The following CEP128 variants were observed in gnomAD, a reference collection of about 807,000 sequenced individuals.
CEP128 encodes the protein centrosomal protein 128.
Under a neutral mutation model 156.7 loss-of-function variants are expected in CEP128, and 132 were observed. That is an observed-to-expected ratio of 0.84 (90% confidence interval 0.73 to 0.97). CEP128 has a LOEUF of 0.97. CEP128 is among the 50% of genes least tolerant of loss of function. CEP128 has a pLI of 0.00. For missense variants in CEP128, 1,252 were observed against 1,281.9 expected (o/e 0.98, Z 0.36); for synonymous variants, 469 against 448.9 (o/e 1.04, Z -0.57).
chr14:80,644,065 G>C (rs999105333), intron 19 of CEP128, among the ~76,000 whole-genome samples: 1 of 152,156 alleles, frequency 6.6e-6, no homozygotes, highest in African/African-American at 2.4e-5. Context: ...TGAAGACAAA[G>C]GAAGAGAATA....
At chr14:80,713,430 T>TTA (rs60354472) in intron 19 of CEP128, among the ~76,000 whole-genome samples, 2,063 of 152,242 alleles carry the variant, frequency 0.014, 57 homozygotes, top group African/African-American at 0.047. Context: ...TGTAGGCTGT[T>TTA]TGTTTGTCTA....
intron 14 of CEP128, among the ~76,000 whole-genome samples, chr14:80,790,175 C>T (rs1296560984): frequency 6.6e-6 from 1 of 151,290 alleles, no homozygotes; most frequent in Non-Finnish European, 1.5e-5. Flanking sequence ...GCAAAAAGCT[C>T]AATACATAAG....
intron 13 of CEP128, among the ~76,000 whole-genome samples, chr14:80,796,447 G>A (rs1432436232): frequency 1.3e-5 from 2 of 150,606 alleles, no homozygotes; most frequent in South Asian, 2.1e-4. Context: ...GCCACACAGC[G>A]AGATTCAGTC....
At chr14:80,865,986 C>A (rs1380475733) in intron 8 of CEP128, among the ~76,000 whole-genome samples, 1 of 152,108 alleles carries the variant, frequency 6.6e-6, no homozygotes, top group Non-Finnish European at 1.5e-5. Context: ...AAATGAAATG[C>A]TGTTTTAAGC....
At position 80,563,524 on chromosome 14, in the gene CEP128, C is replaced by CTTTTTTTTTTTTTTTTTTTTT. The variant is rs540593415; in HGVS notation, c.2857-4243_2857-4223dup. The stretch of plus-strand genomic sequence containing the variant: ...GAAGCCTACCCATGGGCCTCCAAAT[C>CTTTTTTTTTTTTTTTTTTTTT]TTTTTTTTTTTTTTTTTTTTTTTTT... On this transcript the variant is annotated intron_variant, in intron 20 of 24. Transcript: ENST00000555265. 1.5e-4 allele frequency among the ~76,000 whole-genome samples: 12 copies of CTTTTTTTTTTTTTTTTTTTTT among 78,878 alleles called. 1 individual carries two copies. The highest frequency in any genetic ancestry group is 6.5e-4 in the African/African-American group (11 of 16,978). 51.7% of individuals were successfully genotyped at this position (78,878 alleles called of 152,430 possible).
intron 19 of CEP128, among the ~76,000 whole-genome samples, chr14:80,657,789 A>C (rs1307276984): frequency 6.6e-6 from 1 of 152,106 alleles, no homozygotes; most frequent in Admixed American, 6.6e-5. Context: ...GAGAGGAGAA[A>C]ATTTTTGAAA....
At chr14:80,786,471 A>G (rs1338826154) in intron 14 of CEP128, among the ~76,000 whole-genome samples, 2 of 152,204 alleles carry the variant, frequency 1.3e-5, no homozygotes, top group African/African-American at 2.4e-5. Flanking sequence ...ACAATTTATG[A>G]CAAAAATTTA....
chr14:80,820,386 T>C (rs1204492917), intron 13 of CEP128, among the ~76,000 whole-genome samples: 3 of 152,176 alleles, frequency 2.0e-5, no homozygotes, highest in African/African-American at 4.8e-5. Context: ...ACATTTACTT[T>C]TGTCTTGATG....
chr14:80,624,882 T>C (rs1367664806), intron 19 of CEP128, among the ~76,000 whole-genome samples: 1 of 152,210 alleles, frequency 6.6e-6, no homozygotes, highest in East Asian at 1.9e-4. Flanking sequence ...CTTCACTCTG[T>C]TGATTATTTC....
rs752661407 is a variant in CEP128 at position 80,504,993 on chromosome 14, G to A, written c.3100C>T (p.His1034Tyr). ...KGDRTFLEGSHTRGLDHSSSW... is the reference protein window; with the variant it reads ...KGDRTFLEGSYTRGLDHSSSW... ...GATGAGTGATCTAACCCACGAGTGTGGGAACCTTCCAGAAAGGTTCTGTCA... is the reference window on the plus strand; with the variant it reads ...GATGAGTGATCTAACCCACGAGTGTAGGAACCTTCCAGAAAGGTTCTGTCA... Residue 1034 changes from histidine to tyrosine, a missense_variant, in exon 24 of 25, where the codon CAC becomes TAC. Physicochemically the swap from His to Tyr is moderately conservative, Grantham distance 83. Transcript: ENST00000555265. 1 of 1,597,872 alleles carries A rather than the reference G, an allele frequency of 6.3e-7. No individual in the cohort carries two copies. The highest frequency in any genetic ancestry group is 1.1e-5 in the South Asian group (1 of 87,686).
intron 19 of CEP128, 195 bp downstream of exon 19, chr14:80,742,880 G>A (rs1898903597): frequency 3.5e-6 from 2 of 573,854 alleles, no homozygotes; most frequent in Non-Finnish European, 6.2e-6. Flanking sequence ...CATATACACA[G>A]GAGGAATGCT....
At chr14:80,538,045 C>T (rs1055020160) in intron 21 of CEP128, among the ~76,000 whole-genome samples, 6 of 152,168 alleles carry the variant, frequency 3.9e-5, no homozygotes, top group Non-Finnish European at 8.8e-5. Flanking sequence ...CATTCACATT[C>T]ACTCTCTTAC....
chr14:80,759,909 T>G (rs200219493), intron 17 of CEP128, among the ~76,000 whole-genome samples: 15 of 7,838 alleles, frequency 1.9e-3, no homozygotes, highest in East Asian at 0.17. Flanking sequence ...TATATATAGG[T>G]GTGTGTGTGT....
intron 18 of CEP128, among the ~76,000 whole-genome samples, chr14:80,743,907 TG>T (rs1171264334): frequency 2.0e-5 from 3 of 151,300 alleles, no homozygotes; most frequent in Non-Finnish European, 4.4e-5. Flanking sequence ...AATCTCACTC[TG>T]TCGCCCGGGA....
At chr14:80,479,275 T>C (rs1471016269) in intron 14 of CEP128, among the ~76,000 whole-genome samples, 1 of 152,196 alleles carries the variant, frequency 6.6e-6, no homozygotes, top group African/African-American at 2.4e-5. Flanking sequence ...AAAATGATTT[T>C]ACAGACAGTT....
intron 14 of CEP128, among the ~76,000 whole-genome samples, chr14:80,484,480 G>A (rs1342422720): frequency 2.0e-5 from 3 of 152,146 alleles, no homozygotes; most frequent in Admixed American, 6.5e-5. Flanking sequence ...GCTATCAACC[G>A]ACAGTAATTA....
intron 24 of CEP128, among the ~76,000 whole-genome samples, chr14:80,502,094 A>C (rs1169402726): frequency 1.3e-5 from 2 of 152,184 alleles, no homozygotes; most frequent in Admixed American, 1.3e-4. Flanking sequence ...TGCTCTGGGC[A>C]CACTGCCTAT....
In CEP128 at chr14:80,864,782, C is replaced by T. The variant is rs145001226; in HGVS notation, c.646-1909G>A. 5.7e-3 allele frequency among the ~76,000 whole-genome samples: 873 copies of T among 152,242 alleles called. 10 individuals are homozygous for T. The highest frequency in any genetic ancestry group is 0.02 in the African/African-American group (839 of 41,516). ...ATGTCGGCCAGGATGGTCTTGAATT[C>T]CTGACCTCAAGTGATCCACCCACCT... On this transcript the variant is annotated intron_variant, in intron 8 of 24. Coordinates refer to ENST00000555265, the MANE Select transcript of CEP128 (RefSeq NM_152446.5).
At chr14:80,534,143 T>TTC (rs144638566) in intron 21 of CEP128, among the ~76,000 whole-genome samples, 9 of 151,514 alleles carry the variant, frequency 5.9e-5, no homozygotes, top group Non-Finnish European at 4.4e-5. Flanking sequence ...TTTCTGGCTC[T>TTC]TCTCTCTCTC....
Sources: allele counts gnomAD v4.1 joint callset (sites outside exome capture counted in the v4.1 genomes callset), GRCh38; gene constraint gnomAD v4.1.1; transcripts MANE v1.5; gene names NCBI Gene and HGNC (gene_info 2026-07-23, HGNC 2026-07-21).